Variants in PRKCB observed in about 807,000 individuals in gnomAD.
PRKCB encodes the protein protein kinase C beta.
Under a neutral mutation model 81.5 loss-of-function variants are expected in PRKCB, and 13 were observed. The observed-to-expected ratio is 0.16, with a 90% CI of 0.10 to 0.25. The LOEUF (loss-of-function observed/expected upper bound fraction) is 0.25. Ranked by LOEUF, PRKCB falls within the 10% of genes least tolerant of loss-of-function variation. PRKCB has a pLI of 1.00. For synonymous variants in PRKCB, 335 were observed against 321.4 expected (o/e 1.04, Z -0.45); for missense variants, 509 against 875.7 (o/e 0.58, Z 5.29).
chr16:24,070,458 G>A (rs754837353), intron 5 of PRKCB, among the ~76,000 whole-genome samples: 6 of 152,072 alleles, frequency 3.9e-5, no homozygotes, highest in Non-Finnish European at 8.8e-5. Flanking sequence ...CTTGAAACCA[G>A]GGAATTTAAT....
At position 24,068,169 on chromosome 16, in the gene PRKCB, A is replaced by G. The variant is rs138867481; in HGVS notation, c.530-24622A>G. Among the ~76,000 whole-genome samples the G allele has an allele frequency of 4.4e-3, 671 of 152,146 alleles. 7 individuals are homozygous for G. The highest frequency in any genetic ancestry group is 0.016 in the African/African-American group (644 of 41,492). ...CCTTTTAACTGGGTCCTGAACCCCA[A>G]TTTTTGTTTCTCTAGCACCATAAGC... is the stretch of plus-strand genomic sequence containing the variant. On this transcript the variant is annotated intron_variant, in intron 5 of 16. Coordinates refer to ENST00000643927, the MANE Select transcript of PRKCB (RefSeq NM_002738.7).
chr16:23,931,979 T>C (rs1276773723), intron 2 of PRKCB, among the ~76,000 whole-genome samples: 3 of 152,182 alleles, frequency 2.0e-5, no homozygotes, highest in African/African-American at 4.8e-5. Flanking sequence ...AAATAGACAT[T>C]ATATATCTTC....
At chr16:23,915,445 G>A (rs951426436) in intron 2 of PRKCB, among the ~76,000 whole-genome samples, 1 of 152,098 alleles carries the variant, frequency 6.6e-6, no homozygotes, top group African/African-American at 2.4e-5. Flanking sequence ...AGCACTTCGG[G>A]AGGCAGAGGC....
intron 2 of PRKCB, among the ~76,000 whole-genome samples, chr16:23,931,718 C>A (rs888181841): frequency 4.6e-5 from 7 of 151,958 alleles, no homozygotes; most frequent in African/African-American, 1.5e-4. Context: ...TACTTCCCGG[C>A]CTTCTGGCCT....
intron 2 of PRKCB, among the ~76,000 whole-genome samples, chr16:23,848,730 C>A (rs1962420171): frequency 6.6e-6 from 1 of 152,130 alleles, no homozygotes; most frequent in Non-Finnish European, 1.5e-5. Context: ...TGCTGTGGGA[C>A]CTTAAGCAAG....
chr16:24,213,245 GGATGGTCTC>G (rs1181766811), intron 16 of PRKCB, among the ~76,000 whole-genome samples: 6 of 151,952 alleles, frequency 3.9e-5, no homozygotes, highest in Non-Finnish European at 5.9e-5. Context: ...ATGTTGGCTA[GGATGGTCTC>G]GATCTCCTGA....
intron 2 of PRKCB, among the ~76,000 whole-genome samples, chr16:23,905,094 C>T (rs1412331534): frequency 7.1e-6 from 1 of 141,790 alleles, no homozygotes; most frequent in Non-Finnish European, 1.5e-5. Flanking sequence ...GTCTTGCTTG[C>T]TGACTTACTG....
intron 5 of PRKCB, among the ~76,000 whole-genome samples, chr16:24,045,523 C>T (rs1378273659): frequency 6.6e-6 from 1 of 152,160 alleles, no homozygotes; most frequent in Admixed American, 6.5e-5. Flanking sequence ...CCAGGCCCAC[C>T]CCACCTCCAA....
intron 7 of PRKCB, among the ~76,000 whole-genome samples, chr16:24,106,989 C>T (rs1267051096): frequency 1.3e-5 from 2 of 152,128 alleles, no homozygotes; most frequent in Non-Finnish European, 2.9e-5. Context: ...GTATATAAAG[C>T]ATTCGGTTCA....
intron 11 of PRKCB, chr16:24,174,130 C>T (rs1967490335): frequency 1.7e-5 from 3 of 172,766 alleles, no homozygotes; most frequent in Admixed American, 5.8e-5. Context: ...TTGCCTCAGC[C>T]TTCCGAGTAG....
intron 2 of PRKCB, among the ~76,000 whole-genome samples, chr16:23,880,002 G>A (rs1379096054): frequency 6.6e-6 from 1 of 152,220 alleles, no homozygotes; most frequent in Non-Finnish European, 1.5e-5. Flanking sequence ...TGAAAATCGA[G>A]TGAGTATGTT....
chr16:23,981,800 C>T (rs1303131474), intron 2 of PRKCB, among the ~76,000 whole-genome samples: 1 of 15,060 alleles, frequency 6.6e-5, no homozygotes, highest in Non-Finnish European at 1.2e-4. Context: ...TTCCCTTCCC[C>T]TTCCCTTCCC....
chr16:24,158,112 A>G (rs1238107850), intron 10 of PRKCB, among the ~76,000 whole-genome samples: 1 of 152,174 alleles, frequency 6.6e-6, no homozygotes, highest in African/African-American at 2.4e-5. Context: ...AAGTGCTTGG[A>G]GAGACGCACT....
At chr16:24,198,001 T>A (rs1433170149) in intron 16 of PRKCB, among the ~76,000 whole-genome samples, 1 of 152,180 alleles carries the variant, frequency 6.6e-6, no homozygotes, top group African/African-American at 2.4e-5. Flanking sequence ...TGCTCTTGGT[T>A]GGACTTCCTC....
chr16:24,040,409 C>G (rs1965684082), intron 5 of PRKCB, among the ~76,000 whole-genome samples: 1 of 152,208 alleles, frequency 6.6e-6, no homozygotes, highest in Non-Finnish European at 1.5e-5. Flanking sequence ...CTCTTCCTCT[C>G]GATCTCGGTT....
At chr16:24,187,954 A>G (rs964893458) in intron 15 of PRKCB, among the ~76,000 whole-genome samples, 4 of 152,254 alleles carry the variant, frequency 2.6e-5, no homozygotes, top group African/African-American at 9.6e-5. Flanking sequence ...TAAATGAGAT[A>G]ACATAAGAGA....
intron 2 of PRKCB, among the ~76,000 whole-genome samples, chr16:23,856,558 C>T (rs1430813220): frequency 1.3e-5 from 2 of 148,398 alleles, no homozygotes; most frequent in Admixed American, 1.3e-4. Flanking sequence ...GGGTCTTTGT[C>T]TGTCGCACAG....
At chr16:24,039,012 G>A (rs1350369640) in intron 5 of PRKCB, among the ~76,000 whole-genome samples, 1 of 152,120 alleles carries the variant, frequency 6.6e-6, no homozygotes, top group Non-Finnish European at 1.5e-5. Context: ...GTTAGATGAG[G>A]TTGTGAGGGT....
intron 7 of PRKCB, among the ~76,000 whole-genome samples, chr16:24,106,684 T>C (rs569344696): frequency 6.6e-6 from 1 of 152,348 alleles, no homozygotes; most frequent in Non-Finnish European, 1.5e-5. Flanking sequence ...ATCAATCTTG[T>C]ATGAAACTTT....
Sources: allele counts gnomAD v4.1 joint callset (sites outside exome capture counted in the v4.1 genomes callset), GRCh38; gene constraint gnomAD v4.1.1; transcripts MANE v1.5; gene names NCBI Gene and HGNC (gene_info 2026-07-23, HGNC 2026-07-21).